Variants in DLGAP2 observed in about 807,000 individuals in gnomAD.
DLGAP2 encodes the protein disks large-associated protein 2.
Under a neutral mutation model 100.3 loss-of-function variants are expected in DLGAP2, and 26 were observed. That is an observed-to-expected ratio of 0.26 (90% CI 0.19 to 0.36). DLGAP2 has a LOEUF of 0.36. DLGAP2 is among the 10% of genes least tolerant of loss of function. The probability of loss-of-function intolerance (pLI) is 1.00; values close to 1 mark genes in which losing one functional copy is unlikely to be tolerated. For missense variants in DLGAP2, 1,858 were observed against 1,453.2 expected, an observed-to-expected ratio of 1.28 and a Z score of -4.53; for synonymous variants, 886 against 630.1, an observed-to-expected ratio of 1.41 and a Z score of -6.08.
chr8:1,360,989 T>A lies in DLGAP2; in HGVS notation c.106+102106T>A, dbSNP rs142168387. Among the ~76,000 whole-genome samples, 12 of 152,268 alleles carry A rather than the reference T, an allele frequency of 7.9e-5. No homozygotes were observed. The East Asian group carries it at 1.9e-3, about 25-fold the overall frequency. On this transcript the variant is annotated intron_variant, in intron 3 of 14. Coordinates refer to ENST00000637795, the MANE Select transcript of DLGAP2 (RefSeq NM_001346810.2). ...GGGAAGTGGGTGATTACAGAAAAAG[T>A]TTCCAGGCTTAAAATTTCATCCTGA...
intron 10 of DLGAP2, among the ~76,000 whole-genome samples, chr8:1,671,904 G>C (rs1190007642): frequency 6.6e-6 from 1 of 152,280 alleles, no homozygotes; most frequent in African/African-American, 2.4e-5. Context: ...AAGGAGGAGA[G>C]CTTGTGGGCA....
rs78042533 is a variant in DLGAP2, at chr8:1,174,745, A to T, written c.74-84106A>T. 1.6e-3 allele frequency among the ~76,000 whole-genome samples: 251 copies of T among 152,278 alleles called. 3 individuals carry two copies. The East Asian group carries it at 0.046, about 28-fold the overall frequency. On this transcript the variant is annotated intron_variant, in intron 2 of 14. Coordinates refer to ENST00000637795, the MANE Select transcript of DLGAP2 (RefSeq NM_001346810.2). ...CATCATTACCATGACCAAAATCATT[A>T]TCATCATTACTATCACTATCATCAT... is the stretch of plus-strand genomic sequence containing the variant.
At chr8:1,603,403 G>C (rs1230859720) in intron 6 of DLGAP2, among the ~76,000 whole-genome samples, 1 of 151,736 alleles carries the variant, frequency 6.6e-6, no homozygotes, top group Non-Finnish European at 1.5e-5. Context: ...GTAGAGGCTG[G>C]TTAGAGTGGA....
At chr8:1,055,756 G>A (rs1802864388) in intron 2 of DLGAP2, among the ~76,000 whole-genome samples, 1 of 152,230 alleles carries the variant, frequency 6.6e-6, no homozygotes, top group South Asian at 2.1e-4. Flanking sequence ...TTGCCATGCT[G>A]AGTTTTCACG....
intron 2 of DLGAP2, among the ~76,000 whole-genome samples, chr8:1,075,792 T>A (rs1439242880): frequency 6.6e-6 from 1 of 151,858 alleles, no homozygotes; most frequent in East Asian, 1.9e-4. Flanking sequence ...AGAGGCCGGG[T>A]GTCCCAACTC....
intron 2 of DLGAP2, among the ~76,000 whole-genome samples, chr8:930,845 T>C (rs920059347): frequency 4.6e-5 from 7 of 152,112 alleles, no homozygotes; most frequent in Non-Finnish European, 2.9e-5. Flanking sequence ...CCGTTTATTA[T>C]GTAATGGGAG....
At chr8:966,481 T>G (rs1392343632) in intron 2 of DLGAP2, among the ~76,000 whole-genome samples, 2 of 152,266 alleles carry the variant, frequency 1.3e-5, no homozygotes, top group African/African-American at 4.8e-5. Flanking sequence ...AGTTAGTAAC[T>G]CTAAATATAT....
intron 6 of DLGAP2, among the ~76,000 whole-genome samples, chr8:1,589,705 GT>G: frequency 1.3e-5 from 2 of 152,304 alleles, no homozygotes; most frequent in South Asian, 4.1e-4. Context: ...GCCCAAGGCT[GT>G]TTTTAAAGAA....
At chr8:875,279 T>G (rs1379033500) in intron 1 of DLGAP2, among the ~76,000 whole-genome samples, 2 of 152,206 alleles carry the variant, frequency 1.3e-5, no homozygotes, top group Admixed American at 6.5e-5. Flanking sequence ...TTACATCTAC[T>G]GTTTTACTTT....
intron 3 of DLGAP2, among the ~76,000 whole-genome samples, chr8:1,491,920 C>T (rs1031176344): frequency 6.6e-6 from 1 of 152,186 alleles, no homozygotes; most frequent in Admixed American, 6.5e-5. Context: ...GTAAGGCCTG[C>T]GGAGCTCCGG....
At chr8:1,327,191 A>G (rs1801041641) in intron 3 of DLGAP2, among the ~76,000 whole-genome samples, 1 of 152,206 alleles carries the variant, frequency 6.6e-6, no homozygotes, top group African/African-American at 2.4e-5. Context: ...TTAGGACGTT[A>G]ACACTGCTGT....
intron 4 of DLGAP2, among the ~76,000 whole-genome samples, chr8:1,530,479 C>T (rs181542807): frequency 5.9e-5 from 9 of 152,102 alleles, no homozygotes; most frequent in Non-Finnish European, 1.5e-5. Context: ...ACATGCTGTA[C>T]AATTTGTGCA....
intron 2 of DLGAP2, among the ~76,000 whole-genome samples, chr8:999,583 A>G (rs1237665111): frequency 6.7e-6 from 1 of 149,616 alleles, no homozygotes; most frequent in Admixed American, 6.7e-5. Context: ...GGCTCAAGTG[A>G]TTCTCCTGCC....
chr8:760,267 G>A (rs950862977), intron 1 of DLGAP2, among the ~76,000 whole-genome samples: 17 of 152,182 alleles, frequency 1.1e-4, no homozygotes, highest in African/African-American at 3.1e-4. Flanking sequence ...CCTGATCTGC[G>A]GGGGTTTCTT....
At chr8:1,477,691 C>G (rs965068619) in intron 3 of DLGAP2, among the ~76,000 whole-genome samples, 3 of 152,098 alleles carry the variant, frequency 2.0e-5, no homozygotes, top group African/African-American at 7.2e-5. Flanking sequence ...ATTTACTTCC[C>G]TGACATTTAT....
chr8:794,745 T>C (rs1022894616), intron 1 of DLGAP2, among the ~76,000 whole-genome samples: 3 of 152,202 alleles, frequency 2.0e-5, no homozygotes, highest in African/African-American at 7.2e-5. Context: ...GGCCAGTTTA[T>C]GGCCAGATTT....
rs146686890 is a variant in DLGAP2, at chr8:990,270, T to G, written c.73+82304T>G. The stretch of plus-strand genomic sequence containing the variant: ...GTGGGTGCCCAAGTCCTGCGCTGCA[T>G]GGGAATCGACCTTCTGAAGTTTTCT... On this transcript the variant is annotated intron_variant, in intron 2 of 14. Coordinates refer to ENST00000637795, the MANE Select transcript of DLGAP2 (RefSeq NM_001346810.2). 1.7e-3 allele frequency among the ~76,000 whole-genome samples: 255 copies of G among 151,876 alleles called. 2 individuals carry two copies. The highest frequency in any genetic ancestry group is 5.8e-3 in the African/African-American group (238 of 41,304).
intron 2 of DLGAP2, among the ~76,000 whole-genome samples, chr8:981,989 A>T (rs550154509): frequency 3.3e-5 from 5 of 152,178 alleles, no homozygotes; most frequent in Non-Finnish European, 7.3e-5. Flanking sequence ...TGGCCTTGGA[A>T]GTCATCTCTG....
intron 3 of DLGAP2, among the ~76,000 whole-genome samples, chr8:1,281,005 C>A (rs776415197): frequency 6.6e-6 from 1 of 152,190 alleles, no homozygotes; most frequent in Non-Finnish European, 1.5e-5. Flanking sequence ...GCTCCACGAC[C>A]TTGGTCAAGC....
Sources: gnomAD v4.1 joint callset for allele counts (sites outside exome capture counted in the v4.1 genomes callset) on GRCh38, gnomAD v4.1.1 for gene constraint, MANE v1.5 for transcripts, NCBI Gene and HGNC (gene_info 2026-07-23, HGNC 2026-07-21) for gene names.